The following INTS4 variants were observed in gnomAD, a reference collection of about 807,000 sequenced individuals.
INTS4 encodes integrator complex subunit 4.
In INTS4, 70 loss-of-function variants were observed where a neutral mutation model predicts 119.5. The ratio of observed to expected loss-of-function variants is 0.59; its 90% CI spans 0.48 to 0.71. The LOEUF is 0.71. Ranked by LOEUF, INTS4 falls within the 30% of genes least tolerant of loss-of-function variation. The pLI is 0.00. For synonymous variants in INTS4, 316 were observed against 419.6 expected, an observed-to-expected ratio of 0.75 and a Z score of 3.02; for missense variants, 867 against 1,173.2, an observed-to-expected ratio of 0.74 and a Z score of 3.81.
At chr11:77,877,497 T>C (rs1342492225), downstream of INTS4, among the ~76,000 whole-genome samples, 3 of 152,212 alleles carry the variant, frequency 2.0e-5, no homozygotes, top group Non-Finnish European at 4.4e-5. Context: ...ATTATCTTCG[T>C]TTCACAGATG....
At chr11:77,960,806 G>T in intron 5 of INTS4, 147 bp downstream of exon 5, 1 of 651,188 alleles carries the variant, frequency 1.5e-6, no homozygotes. Flanking sequence ...ACAGGAATGT[G>T]TGTCACTGAG....
intron 15 of INTS4, among the ~76,000 whole-genome samples, chr11:77,915,542 G>A (rs1041136312): frequency 2.6e-5 from 4 of 152,018 alleles, no homozygotes; most frequent in African/African-American, 7.2e-5. Context: ...CCAAGCCCAC[G>A]GCACTCCCAG....
At chr11:77,900,522 T>C (rs1952743900) in intron 18 of INTS4, 1 of 631,444 alleles carries the variant, frequency 1.6e-6, no homozygotes, top group Non-Finnish European at 2.8e-6. Context: ...TTTCTGTGTT[T>C]AAGCATTCAT....
intron 15 of INTS4, among the ~76,000 whole-genome samples, chr11:77,909,420 A>G (rs1280414195): frequency 6.6e-6 from 1 of 152,234 alleles, no homozygotes; most frequent in Admixed American, 6.5e-5. Flanking sequence ...TTTGGTTTCT[A>G]GTGAGGGCTC....
At chr11:77,875,548 A>C (rs1951571717), downstream of INTS4, among the ~76,000 whole-genome samples, 1 of 152,148 alleles carries the variant, frequency 6.6e-6, no homozygotes, top group African/African-American at 2.4e-5. Context: ...CTTCTCCAAC[A>C]GAGAATGTGC....
chr11:77,937,700 C>T (rs1272008353), intron 10 of INTS4, among the ~76,000 whole-genome samples: 1 of 151,998 alleles, frequency 6.6e-6, no homozygotes, highest in African/African-American at 2.4e-5. Flanking sequence ...GCTGTGATCA[C>T]ACCACTACAC....
Position 77,964,358 on chromosome 11 carries a change from G to C in INTS4, c.472-3220C>G, listed in dbSNP as rs1855390718. On this transcript the variant is annotated intron_variant, in intron 4 of 22. Coordinates refer to ENST00000534064, the MANE Select transcript of INTS4 (RefSeq NM_033547.4). ...CAAGGCGGGTGGATCATGAGGTCAG[G>C]AGATCGAGACCATCCTGGCTAACAT... Among the ~76,000 whole-genome samples, 3 of 151,854 alleles carry C rather than the reference G, an allele frequency of 2.0e-5. No individual in the cohort carries two copies. The South Asian group carries it at 6.2e-4, about 32-fold the overall frequency.
chr11:77,957,660 CTTCTTTTTTT>C (rs1388475446), intron 7 of INTS4, among the ~76,000 whole-genome samples: 36 of 135,846 alleles, frequency 2.7e-4, no homozygotes, highest in African/African-American at 9.7e-4. Flanking sequence ...TGTAACTGAA[CTTCTTTTTTT>C]TTTTTTTTTT....
intron 2 of INTS4, among the ~76,000 whole-genome samples, chr11:77,983,883 T>C (rs937138907): frequency 2.0e-5 from 3 of 152,186 alleles, no homozygotes; most frequent in Non-Finnish European, 2.9e-5. Flanking sequence ...CTTTTGGGTA[T>C]ATACTCAAAA....
intron 8 of INTS4, among the ~76,000 whole-genome samples, chr11:77,942,216 A>G (rs1323258443): frequency 6.6e-6 from 1 of 152,250 alleles, no homozygotes; most frequent in Non-Finnish European, 1.5e-5. Flanking sequence ...GATTACTGCA[A>G]TATGGTATGA....
intron 7 of INTS4, among the ~76,000 whole-genome samples, chr11:77,956,483 G>A (rs1480902636): frequency 1.3e-5 from 2 of 152,102 alleles, no homozygotes; most frequent in Admixed American, 1.3e-4. Context: ...GAGGCAGGTG[G>A]ATAACTTGAG....
rs1591142434 is a variant in INTS4, at chr11:77,981,523, TG to T, written c.299del (p.Ser100Ter). On this transcript the variant is annotated frameshift_variant, in exon 3 of 23. Coordinates refer to ENST00000534064, the MANE Select transcript of INTS4 (RefSeq NM_033547.4). LOFTEE classifies it high-confidence loss of function. ...LKIASLLGLLSKTAGFSPDCI... is the reference protein window; with the variant it reads ...LKIASLLGLLXKTAGFSPDCI... ...AGTCTGGTGAAAATCCTGCTGTCTT[TG>T]ATAATAAACCCAACAATGATGCAAT... 7.6e-6 allele frequency: 12 copies of T among 1,586,726 alleles called. No individual in the cohort carries two copies. The highest frequency in any genetic ancestry group is 9.4e-6 in the Non-Finnish European group (11 of 1,165,570).
chr11:77,960,467 T>C (rs905967277), intron 5 of INTS4, 76 bp from the exon 6 acceptor site: 8 of 1,087,248 alleles, frequency 7.4e-6, no homozygotes, highest in East Asian at 2.4e-5. Context: ...CAATCTCACA[T>C]ATTTTCCCCT....
chr11:77,948,226 G>A (rs966082285), intron 8 of INTS4, among the ~76,000 whole-genome samples: 2 of 152,138 alleles, frequency 1.3e-5, no homozygotes, highest in African/African-American at 4.8e-5. Context: ...AAAATAAAGC[G>A]TGGCCCCACA....
chr11:77,992,207 G>A (rs1023198854), intron 1 of INTS4, among the ~76,000 whole-genome samples: 1 of 151,964 alleles, frequency 6.6e-6, no homozygotes, highest in African/African-American at 2.4e-5. Flanking sequence ...AGACCAGCCT[G>A]GCCAACATGG....
At chr11:77,990,193 G>A (rs1212926595) in intron 2 of INTS4, among the ~76,000 whole-genome samples, 1 of 145,970 alleles carries the variant, frequency 6.9e-6, no homozygotes, top group Non-Finnish European at 1.5e-5. Flanking sequence ...CTATACTCCA[G>A]GCTGAGTGAC....
intron 14 of INTS4, 78 bp downstream of exon 14, chr11:77,921,262 T>A: frequency 6.8e-7 from 1 of 1,471,810 alleles, no homozygotes; most frequent in Non-Finnish European, 9.4e-7. Flanking sequence ...AAGACCCCCA[T>A]CTCAAAGGAA....
chr11:77,945,029 T>C (rs947720872), intron 8 of INTS4, among the ~76,000 whole-genome samples: 18 of 152,062 alleles, frequency 1.2e-4, no homozygotes, highest in African/African-American at 3.9e-4. Flanking sequence ...CTAAAATGAC[T>C]GTAGATATAT....
At chr11:77,943,701 A>G (rs1161915787) in intron 8 of INTS4, among the ~76,000 whole-genome samples, 1 of 152,240 alleles carries the variant, frequency 6.6e-6, no homozygotes, top group African/African-American at 2.4e-5. Context: ...AAATTTAGGT[A>G]GTTAATGCTA....
Sources: gnomAD v4.1 joint callset for allele counts (sites outside exome capture counted in the v4.1 genomes callset) on GRCh38, gnomAD v4.1.1 for gene constraint, MANE v1.5 for transcripts, NCBI Gene and HGNC (gene_info 2026-07-23, HGNC 2026-07-21) for gene names.